The following CHTF18 variants were observed in gnomAD, a reference collection of about 807,000 sequenced individuals.
CHTF18 encodes chromosome transmission fidelity protein 18 homolog.
CHTF18 carries 151 observed loss-of-function variants against 113.4 expected under a neutral mutation model. The observed-to-expected ratio is 1.33, with a 90% CI of 1.17 to 1.52. The LOEUF (loss-of-function observed/expected upper bound fraction) is 1.52, where lower values mean the gene tolerates loss of function less well. Among genes scored for constraint, CHTF18 ranks in the 40% most tolerant of loss-of-function variants. The pLI is 0.00. For synonymous variants in CHTF18, 916 were observed against 598.8 expected (o/e 1.53, Z -7.74); for missense variants, 1,982 against 1,381.6 (o/e 1.43, Z -6.89).
Position 791,307 on chromosome 16 carries a change from C to G in CHTF18, c.1041C>G (p.His347Gln), listed in dbSNP as rs375203153. Residue 347 changes from histidine to glutamine, a missense_variant, in exon 8 of 22, where the codon CAC becomes CAG. Physicochemically the swap from His to Gln is conservative, Grantham distance 24. Transcript: ENST00000262315. ...EATAPGKWKSHEQVLEEMLEA... is the reference protein window; with the variant it reads ...EATAPGKWKSQEQVLEEMLEA... ...CAGCCCCAGGCAAGTGGAAGAGCCA[C>G]GAACAGGTGCTGGAGGAGATGCTGG... The G allele has an allele frequency of 9.9e-6, 16 of 1,610,478 alleles. No individual in the cohort carries two copies. Among genetic ancestry groups the G allele is most frequent in the Non-Finnish European group, 1.4e-5 (16 of 1,179,566 alleles).
chr16:792,121 C>A, intron 9 of CHTF18, 103 bp from the exon 10 acceptor site: 1 of 1,524,986 alleles, frequency 6.6e-7, no homozygotes, highest in South Asian at 1.2e-5. Flanking sequence ...GCAGCAGCCG[C>A]GTCATGTGAC....
rs754092491 is a variant in CHTF18 at position 792,431 on chromosome 16, C to T, written c.1327-8C>T. ...CTGGACTCACCGTGTCCTCTGACCT[C>T]CCCCAAGGCCGCCATCAACGTCCTC... is the stretch of plus-strand genomic sequence containing the variant. On this transcript the variant is annotated splice_region_variant and splice_polypyrimidine_tract_variant and intron_variant, in intron 10 of 21. Coordinates refer to ENST00000262315, the MANE Select transcript of CHTF18 (RefSeq NM_022092.3). The T allele has an allele frequency of 6.4e-7, 1 of 1,559,826 alleles. No individual in the cohort carries two copies. The highest frequency in any genetic ancestry group is 8.7e-7 in the Non-Finnish European group (1 of 1,152,404).
At chr16:789,473 G>A (rs1368691279) in intron 3 of CHTF18, 74 bp from the exon 4 acceptor site, 6 of 1,539,862 alleles carry the variant, frequency 3.9e-6, no homozygotes, top group African/African-American at 2.7e-5. Context: ...ATGGCTGAGA[G>A]CAGTCTCGGA....
Position 792,552 on chromosome 16 carries a change from G to A in CHTF18, c.1440G>A (p.Gly480=), listed in dbSNP as rs187535948. 4 of 1,596,398 alleles carry A rather than the reference G, an allele frequency of 2.5e-6. No homozygotes were observed. The highest frequency in any genetic ancestry group is 3.4e-6 in the Non-Finnish European group (4 of 1,175,062). ...GCCGACGGCGCCGGGCAGAGGGGGG[G>A]CTCCTCATGAGGCCCATTATCTGCA... is the stretch of plus-strand genomic sequence containing the variant. ...GGGRRRRAEG[G]LLMRPIICIC... Residue 480 remains glycine, a synonymous_variant, in exon 11 of 22, where the codon GGG becomes GGA. Transcript: ENST00000262315.
chr16:791,287 C>G lies in CHTF18; in HGVS notation c.1021C>G (p.Pro341Ala). The change falls in exon 8 of 22, where the codon CCA becomes GCA. Residue 341 changes from proline (P) to alanine (A), a missense_variant. Transcript: ENST00000262315. ...PARVSKEATA[P>A]GKWKSHEQVL... Reference sequence around the variant, plus strand: ...CCGGGTCAGCAAGGAGGCCACAGCCCCAGGCAAGTGGAAGAGCCACGAACA... The same window carrying G: ...CCGGGTCAGCAAGGAGGCCACAGCCGCAGGCAAGTGGAAGAGCCACGAACA... 1 of 1,610,882 alleles carries G rather than the reference C, an allele frequency of 6.2e-7. No individual in the cohort carries two copies. The highest frequency in any genetic ancestry group is 1.1e-5 in the South Asian group (1 of 90,842).
chr16:794,524 G>A lies in CHTF18; in HGVS notation c.1950+323G>A, dbSNP rs146109002. Among the ~76,000 whole-genome samples, 889 of 152,278 alleles carry A rather than the reference G, an allele frequency of 5.8e-3. 2 individuals carry two copies. Among genetic ancestry groups the A allele is most frequent in the Admixed American group, 9.0e-3 (138 of 15,300 alleles). On this transcript the variant is annotated intron_variant, in intron 15 of 21. Transcript: ENST00000262315. ...ACAGCCTGGCCTGGGGCTGCGAGGG[G>A]CTGGATTCTGGACTTAAGATGCACA...
At chr16:794,802 G>A (rs1010904362) in intron 15 of CHTF18, 9 of 373,682 alleles carry the variant, frequency 2.4e-5, no homozygotes, top group African/African-American at 8.3e-5. Context: ...TCTAAGGAGG[G>A]GCTGAGTGAG....
intron 18 of CHTF18, 128 bp from the exon 19 acceptor site, chr16:796,589 C>G: frequency 8.7e-7 from 1 of 1,155,322 alleles, no homozygotes; most frequent in Non-Finnish European, 1.2e-6. Flanking sequence ...GCGGTGGCAC[C>G]AGGACTCAGC....
chr16:792,815 G>C lies in CHTF18; in HGVS notation c.1572+4G>C. ...GCTGGTGCAGCGGCTCCAGGAGGTC[G>C]GTGGAGCCCCAGGAGCCGTGTGGCT... On this transcript the variant is annotated splice_donor_region_variant and intron_variant, in intron 12 of 21. Transcript: ENST00000262315. 6.5e-7 allele frequency: 1 copy of C among 1,540,020 alleles called. No individual in the cohort carries two copies. The highest frequency in any genetic ancestry group is 1.4e-5 in the African/African-American group (1 of 73,150).
In CHTF18 at chr16:789,315, C is replaced by G. The variant is rs540024808; in HGVS notation, c.392C>G (p.Thr131Ser). ...PPPDSSPTDI[T>S]PPPSPEDLAE... ...CCCGACTCCTCGCCGACGGACATCA[C>G]CCCGCCGCCGAGCCCTGAGGACCTC... Residue 131 changes from threonine to serine, a missense_variant, in exon 3 of 22, where the codon ACC becomes AGC. By Grantham distance (58) the Thr-to-Ser change is moderately conservative (BLOSUM62 1). Coordinates refer to ENST00000262315, the MANE Select transcript of CHTF18 (RefSeq NM_022092.3). The G allele has an allele frequency of 5.6e-6, 9 of 1,600,880 alleles. No individual in the cohort carries two copies. The highest frequency in any genetic ancestry group is 6.8e-6 in the Non-Finnish European group (8 of 1,174,792).
chr16:789,510 C>T lies in CHTF18; in HGVS notation c.438-37C>T, dbSNP rs753611488. 36 of 1,567,344 alleles carry T rather than the reference C, an allele frequency of 2.3e-5. No individual in the cohort carries two copies. The South Asian group carries it at 3.7e-4, about 16-fold the overall frequency. On this transcript the variant is annotated intron_variant, in intron 3 of 21. Transcript: ENST00000262315. ...ACCCATATCCAAGGGTGACCCCACG[C>T]TTGAGTTTCTGCCACTGAGCCCCGG...
In CHTF18 at chr16:789,702, C is replaced by T. The variant is rs373044028; in HGVS notation, c.593C>T (p.Ala198Val). The T allele has an allele frequency of 1.1e-3, 1,771 of 1,591,010 alleles. 29 individuals carry two copies. The South Asian group carries it at 0.019, about 17-fold the overall frequency. ...CTGGTGCTGCGTGCTGACCCCATGGCCCCGGGGGTGCAGGTGCGTGGCTGT... is the reference window on the plus strand; with the variant it reads ...CTGGTGCTGCGTGCTGACCCCATGGTCCCGGGGGTGCAGGTGCGTGGCTGT... ...AYLVLRADPM[A>V]PGVQGSLLHV... Residue 198 changes from alanine to valine, a missense_variant, in exon 4 of 22, where the codon GCC becomes GTC. Ala to Val is a moderately conservative substitution (Grantham distance 64). Transcript: ENST00000262315.
At chr16:793,639 C>A in intron 14 of CHTF18, 1 of 525,310 alleles carries the variant, frequency 1.9e-6, no homozygotes. Context: ...GCCCACACTG[C>A]TTGGCCTCCC....
rs377411735 is a variant in CHTF18, at chr16:790,638, G to A, written c.866G>A (p.Arg289His). 2.1e-5 allele frequency: 33 copies of A among 1,594,836 alleles called. No homozygotes were observed. Among genetic ancestry groups the A allele is most frequent in the Non-Finnish European group, 2.6e-5 (30 of 1,173,436 alleles). Residue 289 changes from arginine (R) to histidine (H), a missense_variant, in exon 7 of 22, where the codon CGC (arginine) becomes CAC (histidine). Arg to His is a conservative substitution (Grantham distance 29, BLOSUM62 0). Transcript: ENST00000262315. ...HCLWVDEFAPRHYTELLSDDF... is the reference protein window; with the variant it reads ...HCLWVDEFAPHHYTELLSDDF... Reference sequence around the variant, plus strand: ...CTCTGGGTGGATGAGTTTGCACCCCGCCACTACACGGAGCTGCTCAGTGAT... The same window carrying A: ...CTCTGGGTGGATGAGTTTGCACCCCACCACTACACGGAGCTGCTCAGTGAT...
At position 793,214 on chromosome 16, in the gene CHTF18, A is replaced by T; in HGVS notation, c.1742A>T (p.Asp581Val). ...CAGGCCACACGCGTGGGCCTCAAGGACCAGCGCAGAGGGCTCTTCTCGGTG... is the reference window on the plus strand; with the variant it reads ...CAGGCCACACGCGTGGGCCTCAAGGTCCAGCGCAGAGGGCTCTTCTCGGTG... Reference protein sequence around the residue: ...DVQATRVGLKDQRRGLFSVWQ... With the variant: ...DVQATRVGLKVQRRGLFSVWQ... Residue 581 changes from aspartate (D) to valine (V), a missense_variant, in exon 14 of 22, where the codon GAC becomes GTC. Physicochemically the swap from Asp to Val is radical, Grantham distance 152. Coordinates refer to ENST00000262315, the MANE Select transcript of CHTF18 (RefSeq NM_022092.3). The T allele has an allele frequency of 6.2e-7, 1 of 1,608,732 alleles. No homozygotes were observed. The highest frequency in any genetic ancestry group is 8.5e-7 in the Non-Finnish European group (1 of 1,178,822).
rs984986673 is a variant in CHTF18, at chr16:797,167, G to C, written c.2733+75G>C. The C allele has an allele frequency of 4.9e-6, 7 of 1,431,848 alleles. No homozygotes were observed. The South Asian group carries it at 1.1e-4, about 23-fold the overall frequency. 88.7% of individuals were successfully genotyped at this position (1,431,848 alleles called of 1,614,324 possible). On this transcript the variant is annotated intron_variant, in intron 20 of 21. Coordinates refer to ENST00000262315, the MANE Select transcript of CHTF18 (RefSeq NM_022092.3). ...GGTGTGGCTAGGGCAGTCATGAGGC[G>C]GGGCCAAGGCACCCATGGGGTGGGG...
Position 797,936 on chromosome 16 carries a change from C to T in CHTF18, c.2889C>T (p.Asn963=), listed in dbSNP as rs117923274. ...VWFRFNEGVS[N]AVRRSLYIRD... The stretch of plus-strand genomic sequence containing the variant: ...TCCGCTTCAACGAGGGTGTCTCCAA[C>T]GCCGTGCGGCGCAGCCTGTACATCA... Residue 963 remains asparagine (N), a synonymous_variant, in exon 22 of 22, where the codon AAC becomes AAT. Transcript: ENST00000262315. 0.026 allele frequency: 42,373 copies of T among 1,612,270 alleles called. 1,393 individuals carry two copies. Among genetic ancestry groups the T allele is most frequent in the South Asian group, 0.14 (12,479 of 91,018 alleles).
intron 7 of CHTF18, 182 bp from the exon 8 acceptor site, chr16:790,979 G>A (rs1029578330): frequency 2.1e-5 from 30 of 1,447,838 alleles, no homozygotes; most frequent in Non-Finnish European, 1.4e-5. Context: ...GTTGTGGCCA[G>A]AGCCGTGGGG....
At position 795,241 on chromosome 16, in the gene CHTF18, A is replaced by C; in HGVS notation, c.2060A>C (p.His687Pro). Reference protein sequence around the residue: ...AFDDLLAGAAHHSQSFQLLRY... With the variant: ...AFDDLLAGAAPHSQSFQLLRY... The stretch of plus-strand genomic sequence containing the variant: ...GATGACCTGCTGGCGGGGGCTGCTC[A>C]TCACAGCCAGAGCTTCCAGCTGCTG... Residue 687 changes from histidine (H) to proline (P), a missense_variant, in exon 16 of 22, where the codon CAT (histidine) becomes CCT (proline). Coordinates refer to ENST00000262315, the MANE Select transcript of CHTF18 (RefSeq NM_022092.3). The C allele has an allele frequency of 6.5e-7, 1 of 1,549,970 alleles. No homozygotes were observed. Among genetic ancestry groups the C allele is most frequent in the Non-Finnish European group, 8.7e-7 (1 of 1,147,200 alleles).
Sources: allele counts gnomAD v4.1 joint callset (sites outside exome capture counted in the v4.1 genomes callset), GRCh38; gene constraint gnomAD v4.1.1; transcripts MANE v1.5; gene names NCBI Gene and HGNC (gene_info 2026-07-23, HGNC 2026-07-21).